OR13A1: variants seen among roughly 807,000 people sequenced by gnomAD.
The protein encoded by OR13A1 is olfactory receptor family 13 subfamily A member 1, also known as olfactory receptor 13A1.
OR13A1 carries 10 observed loss-of-function variants against 7.5 expected under a neutral mutation model. The observed-to-expected ratio is 1.34, with a 90% CI of 0.83 to 2.27. The LOEUF (loss-of-function observed/expected upper bound fraction) is 2.27, where lower values mean the gene tolerates loss of function less well. Among genes scored for constraint, OR13A1 ranks in the 30% most tolerant of loss-of-function variants. The pLI is 0.00. For missense variants in OR13A1, 509 were observed against 419.1 expected (o/e 1.21, Z -1.87); for synonymous variants, 238 against 177.9 (o/e 1.34, Z -2.69).
At chr10:45,308,408 A>G (rs1838379279) in intron 1 of OR13A1, among the ~76,000 whole-genome samples, 1 of 152,232 alleles carries the variant, frequency 6.6e-6, no homozygotes, top group African/African-American at 2.4e-5. Context: ...CAGCCCCATC[A>G]AATGTCAAAG....
chr10:45,309,091 A>T (rs1457616133), intron 1 of OR13A1, among the ~76,000 whole-genome samples: 1 of 151,970 alleles, frequency 6.6e-6, no homozygotes, highest in African/African-American at 2.4e-5. Context: ...TGTGTAGAAA[A>T]GGGTGTGGGC....
intron 1 of OR13A1, among the ~76,000 whole-genome samples, chr10:45,314,502 G>T (rs980283837): frequency 3.8e-4 from 57 of 150,500 alleles, no homozygotes; most frequent in African/African-American, 1.3e-3. Context: ...TATACCTCAG[G>T]AAACTAGGAG....
chr10:45,309,140 T>C (rs1465684503), intron 1 of OR13A1, among the ~76,000 whole-genome samples: 1 of 152,090 alleles, frequency 6.6e-6, no homozygotes, highest in Non-Finnish European at 1.5e-5. Context: ...ACATTCTCTG[T>C]CCCAGCTCAC....
At chr10:45,308,476 G>A (rs192850701) in intron 1 of OR13A1, among the ~76,000 whole-genome samples, 33 of 152,224 alleles carry the variant, frequency 2.2e-4, no homozygotes, top group African/African-American at 7.0e-4. Flanking sequence ...TTAAGGCTGG[G>A]GTGTGGAATG....
chr10:45,311,397 C>T (rs1838443095), intron 1 of OR13A1, among the ~76,000 whole-genome samples: 1 of 152,094 alleles, frequency 6.6e-6, no homozygotes, highest in African/African-American at 2.4e-5. Context: ...GGTTGAGCTC[C>T]ACCCTCTGTG....
chr10:45,313,160 G>C (rs928623530), intron 1 of OR13A1, among the ~76,000 whole-genome samples: 3 of 152,028 alleles, frequency 2.0e-5, no homozygotes, highest in African/African-American at 7.2e-5. Flanking sequence ...GGTGAGGGTA[G>C]GAGCTTTGAA....
chr10:45,315,414 A>G (rs898026154), intron 1 of OR13A1, 110 bp downstream of exon 1: 24 of 152,218 alleles, frequency 1.6e-4, no homozygotes, highest in Admixed American at 5.2e-4. Flanking sequence ...TGTAGAAAAA[A>G]TGTTTAACAA....
intron 3 of OR13A1, among the ~76,000 whole-genome samples, chr10:45,306,069 T>C (rs1377537092): frequency 6.6e-6 from 1 of 152,242 alleles, no homozygotes; most frequent in Admixed American, 6.5e-5. Flanking sequence ...GAATGACTTA[T>C]ATTCTTAAGT....
intron 1 of OR13A1, among the ~76,000 whole-genome samples, chr10:45,313,334 AT>A (rs1321527517): frequency 1.4e-5 from 2 of 144,218 alleles, no homozygotes; most frequent in East Asian, 4.0e-4. Flanking sequence ...ACAAAAAAAA[AT>A]CGACAAAACC....
At chr10:45,313,543 A>G (rs745886832) in intron 1 of OR13A1, among the ~76,000 whole-genome samples, 1 of 152,066 alleles carries the variant, frequency 6.6e-6, no homozygotes, top group Admixed American at 6.6e-5. Context: ...TAGGTCTAAG[A>G]AACAAATATG....
At chr10:45,311,859 A>G (rs547294505) in intron 1 of OR13A1, among the ~76,000 whole-genome samples, 3 of 152,200 alleles carry the variant, frequency 2.0e-5, no homozygotes, top group African/African-American at 7.2e-5. Context: ...AATAGTTGTC[A>G]TAACTATATT....
At chr10:45,310,780 A>C (rs971701654) in intron 1 of OR13A1, among the ~76,000 whole-genome samples, 5 of 152,192 alleles carry the variant, frequency 3.3e-5, no homozygotes, top group Admixed American at 1.3e-4. Flanking sequence ...ATACTTACAC[A>C]AGAAAGAGGG....
At chr10:45,307,847 A>T (rs183243503) in intron 1 of OR13A1, 39 bp from the exon 2 acceptor site, 1 of 152,344 alleles carries the variant, frequency 6.6e-6, no homozygotes, top group East Asian at 1.9e-4. Flanking sequence ...TACATTTATC[A>T]CTTTAAAGAA....
chr10:45,312,875 C>G (rs948752949), intron 1 of OR13A1, among the ~76,000 whole-genome samples: 3 of 152,026 alleles, frequency 2.0e-5, no homozygotes, highest in Non-Finnish European at 4.4e-5. Flanking sequence ...TGAACAAAAA[C>G]TGGGGAGTTC....
chr10:45,304,923 G>A (rs1249689184), intron 3 of OR13A1, among the ~76,000 whole-genome samples: 1 of 152,164 alleles, frequency 6.6e-6, no homozygotes, highest in East Asian at 1.9e-4. Flanking sequence ...TATAAATGCT[G>A]TCTAATTATC....
rs529909706 is a variant in OR13A1 at position 45,304,894 on chromosome 10, G to A, written c.-12-460C>T. ...AAACAATCTATACCCTTAAACGTGA[G>A]TATATTATGGTAAATTGATATAAAT... On this transcript the variant is annotated intron_variant, in intron 3 of 3. Transcript: ENST00000553795. Among the ~76,000 whole-genome samples, 5 of 152,266 alleles carry A rather than the reference G, an allele frequency of 3.3e-5. No individual in the cohort carries two copies. In the South Asian group the frequency reaches 1.0e-3, roughly 32 times the overall value.
At chr10:45,311,149 CT>C (rs1202991870) in intron 1 of OR13A1, among the ~76,000 whole-genome samples, 1 of 152,230 alleles carries the variant, frequency 6.6e-6, no homozygotes, top group Non-Finnish European at 1.5e-5. Context: ...GGCCTATCCC[CT>C]AACCTCAGCA....
intron 1 of OR13A1, among the ~76,000 whole-genome samples, chr10:45,309,480 G>C (rs889454537): frequency 2.6e-5 from 4 of 152,014 alleles, no homozygotes; most frequent in Non-Finnish European, 1.5e-5. Context: ...CTGAGTCTCT[G>C]TCCCATTCAG....
intron 2 of OR13A1, 37 bp from the exon 3 acceptor site, chr10:45,307,604 A>G (rs750230765): frequency 6.6e-6 from 1 of 152,198 alleles, no homozygotes; most frequent in Admixed American, 6.5e-5. Flanking sequence ...CTTGAGTTTC[A>G]TAGGGCATTT....
Sources: gnomAD v4.1 joint callset for allele counts (sites outside exome capture counted in the v4.1 genomes callset) on GRCh38, gnomAD v4.1.1 for gene constraint, MANE v1.5 for transcripts, NCBI Gene and HGNC (gene_info 2026-07-23, HGNC 2026-07-21) for gene names.